Variants in DTNA observed in about 807,000 individuals in gnomAD.
The protein encoded by DTNA is dystrobrevin alpha.
A neutral mutation model predicts 100.7 loss-of-function variants in DTNA; 43 were observed. The observed-to-expected ratio is 0.43, with a 90% CI of 0.33 to 0.55. The LOEUF is 0.55. DTNA is among the 20% of genes least tolerant of loss of function. DTNA has a pLI of 0.04. For synonymous variants in DTNA, 349 were observed against 347.9 expected (o/e 1.00, Z -0.04); for missense variants, 798 against 953.9 (o/e 0.84, Z 2.15).
chr18:34,763,209 C>T (rs1055604522), intron 2 of DTNA, among the ~76,000 whole-genome samples: 1 of 152,136 alleles, frequency 6.6e-6, no homozygotes, highest in African/African-American at 2.4e-5. Context: ...AAACTTAGCA[C>T]CAATAAAAGT....
At chr18:34,747,659 CA>C (rs551664715) in intron 1 of DTNA, among the ~76,000 whole-genome samples, 16 of 152,260 alleles carry the variant, frequency 1.1e-4, no homozygotes, top group South Asian at 6.2e-4. Flanking sequence ...CATGTTGCTC[CA>C]AAATACATTA....
intron 9 of DTNA, among the ~76,000 whole-genome samples, chr18:34,826,398 CAA>C: frequency 6.6e-6 from 1 of 151,978 alleles, no homozygotes; most frequent in Non-Finnish European, 1.5e-5. Context: ...TTCTAAGTCT[CAA>C]TGAATTTTTG....
intron 1 of DTNA, among the ~76,000 whole-genome samples, chr18:34,635,351 T>C (rs1030271321): frequency 1.3e-5 from 2 of 152,198 alleles, no homozygotes; most frequent in African/African-American, 4.8e-5. Flanking sequence ...TTCTTTGACC[T>C]ACAGATTTCA....
At chr18:34,594,356 C>T (rs1025665353) in intron 1 of DTNA, among the ~76,000 whole-genome samples, 3 of 152,328 alleles carry the variant, frequency 2.0e-5, no homozygotes, top group Admixed American at 6.5e-5. Context: ...CAAATGACCT[C>T]TCCCTCTGCT....
intron 1 of DTNA, among the ~76,000 whole-genome samples, chr18:34,554,425 G>A (rs2045803721): frequency 1.3e-5 from 2 of 149,634 alleles, no homozygotes; most frequent in Non-Finnish European, 3.0e-5. Context: ...AAAAGGAGTG[G>A]TGAGAGAGGG....
In DTNA at chr18:34,535,318, G is replaced by T. The variant is rs990825940; in HGVS notation, c.-2+41804G>T. Among the ~76,000 whole-genome samples the T allele has an allele frequency of 5.9e-5, 9 of 151,944 alleles. No homozygotes were observed. The East Asian group carries it at 1.7e-3, about 29-fold the overall frequency. On this transcript the variant is annotated intron_variant, in intron 1 of 19. Coordinates refer to the DTNA transcript ENST00000283365. ...TGCAAAGTGTCTGTTCATATTGTTT[G>T]CCCACTTTTTGATGGGATTGTTTTT...
At chr18:34,623,776 G>C (rs2056904518) in intron 1 of DTNA, among the ~76,000 whole-genome samples, 1 of 152,234 alleles carries the variant, frequency 6.6e-6, no homozygotes, top group South Asian at 2.1e-4. Flanking sequence ...GAGAGAGAAG[G>C]CATCATGTAT....
At chr18:34,647,421 A>C (rs1422266181) in intron 1 of DTNA, among the ~76,000 whole-genome samples, 1 of 152,164 alleles carries the variant, frequency 6.6e-6, no homozygotes, top group African/African-American at 2.4e-5. Flanking sequence ...GCATAGAAAA[A>C]GGGCAGCTTT....
chr18:34,542,166 T>C (rs1458737676), intron 1 of DTNA, among the ~76,000 whole-genome samples: 1 of 152,056 alleles, frequency 6.6e-6, no homozygotes, highest in East Asian at 1.9e-4. Context: ...TTACTGATGC[T>C]GATTTCTATT....
At chr18:34,704,110 T>G (rs1426819146) in intron 1 of DTNA, among the ~76,000 whole-genome samples, 1 of 152,254 alleles carries the variant, frequency 6.6e-6, no homozygotes, top group East Asian at 1.9e-4. Flanking sequence ...ATAATTAACT[T>G]TGTGTGTCTA....
intron 13 of DTNA, among the ~76,000 whole-genome samples, chr18:34,844,401 T>C (rs751128024): frequency 4.6e-5 from 7 of 152,070 alleles, no homozygotes; most frequent in Admixed American, 1.3e-4. Flanking sequence ...CATTTCTCGG[T>C]CCCCAGTGTC....
intron 1 of DTNA, among the ~76,000 whole-genome samples, chr18:34,494,464 A>T (rs951270292): frequency 6.6e-6 from 1 of 151,894 alleles, no homozygotes; most frequent in African/African-American, 2.4e-5. Context: ...GGCAGGCGGG[A>T]GGTTCGTTCT....
chr18:34,650,419 G>A lies in DTNA; in HGVS notation c.-1-105557G>A, dbSNP rs569826732. Among the ~76,000 whole-genome samples, 5 of 152,270 alleles carry A rather than the reference G, an allele frequency of 3.3e-5. No homozygotes were observed. In the South Asian group the frequency reaches 8.3e-4, roughly 25 times the overall value. ...TGTGTGTGTGCATGTGCATGTTTGT[G>A]TGTTTTTCCTACTTGTAAACATCTG... On this transcript the variant is annotated intron_variant, in intron 1 of 19. Transcript: ENST00000283365.
intron 1 of DTNA, among the ~76,000 whole-genome samples, chr18:34,684,775 G>C (rs549209344): frequency 6.6e-6 from 1 of 152,290 alleles, no homozygotes; most frequent in Admixed American, 6.5e-5. Context: ...TAGTGTAAAA[G>C]CATTCCTATT....
intron 1 of DTNA, among the ~76,000 whole-genome samples, chr18:34,749,643 A>AAAAAATAAT (rs1210485347): frequency 2.3e-4 from 9 of 39,810 alleles, no homozygotes; most frequent in Middle Eastern, 0.015. Flanking sequence ...TCTCTCCAAA[A>AAAAAATAAT]AATAATAATA....
intron 1 of DTNA, among the ~76,000 whole-genome samples, chr18:34,652,606 A>G (rs2060587259): frequency 6.6e-6 from 1 of 152,192 alleles, no homozygotes; most frequent in South Asian, 2.1e-4. Context: ...GCACCAACAT[A>G]TAGAGGGTGC....
intron 7 of DTNA, among the ~76,000 whole-genome samples, chr18:34,816,481 C>T (rs2095600601): frequency 6.6e-6 from 1 of 152,000 alleles, no homozygotes; most frequent in African/African-American, 2.4e-5. Context: ...AATAGTTGTA[C>T]TTACGTTAAA....
In DTNA at chr18:34,881,215, T is replaced by TA. The variant is rs201597460; in HGVS notation, c.2163-853dup. Among the ~76,000 whole-genome samples, 957 of 152,298 alleles carry TA rather than the reference T, an allele frequency of 6.3e-3. 13 individuals carry two copies. The highest frequency in any genetic ancestry group is 0.022 in the African/African-American group (909 of 41,560). On this transcript the variant is annotated intron_variant, in intron 20 of 22. Coordinates refer to ENST00000444659, the MANE Select transcript of DTNA (RefSeq NM_001386795.1). The stretch of plus-strand genomic sequence containing the variant: ...ACCTAGAAACTTCTTCTTGACCACT[T>TA]ATTTCATTTTAGGGAATAATTTAAT...
chr18:34,665,163 T>C (rs1599799259), intron 1 of DTNA, among the ~76,000 whole-genome samples: 2 of 152,194 alleles, frequency 1.3e-5, no homozygotes, highest in East Asian at 3.9e-4. Flanking sequence ...TAGATGCTTC[T>C]GTCTTTTTAT....
Sources: allele counts gnomAD v4.1 joint callset (sites outside exome capture counted in the v4.1 genomes callset), GRCh38; gene constraint gnomAD v4.1.1; transcripts MANE v1.5; gene names NCBI Gene and HGNC (gene_info 2026-07-23, HGNC 2026-07-21).